Variants in PPP1R9A observed in about 807,000 individuals in gnomAD.
PPP1R9A encodes the protein neurabin-1.
PPP1R9A carries 59 observed loss-of-function variants against 141.9 expected under a neutral mutation model. The ratio of observed to expected loss-of-function variants is 0.42; its 90% CI spans 0.34 to 0.52. PPP1R9A has a LOEUF of 0.52. Among genes scored for constraint, PPP1R9A ranks in the 20% least tolerant of loss-of-function variants. The probability of loss-of-function intolerance (pLI) is 0.10; values close to 1 mark genes in which losing one functional copy is unlikely to be tolerated. For synonymous variants in PPP1R9A, 500 were observed against 569.7 expected (o/e 0.88, Z 1.74); for missense variants, 1,444 against 1,611.9 (o/e 0.90, Z 1.78).
intron 2 of PPP1R9A, among the ~76,000 whole-genome samples, chr7:95,029,934 G>T (rs1807423486): frequency 6.6e-6 from 1 of 152,172 alleles, no homozygotes; most frequent in Non-Finnish European, 1.5e-5. Flanking sequence ...GCGACAGCAG[G>T]CTTAACTTGA....
chr7:95,067,295 G>A (rs890945033), intron 2 of PPP1R9A, among the ~76,000 whole-genome samples: 1 of 152,154 alleles, frequency 6.6e-6, no homozygotes, highest in African/African-American at 2.4e-5. Context: ...TGACTGTGAA[G>A]TTTAGGCTAA....
chr7:95,168,555 A>T (rs1022082520), intron 5 of PPP1R9A, among the ~76,000 whole-genome samples: 1 of 152,048 alleles, frequency 6.6e-6, no homozygotes, highest in African/African-American at 2.4e-5. Flanking sequence ...GACTATATTA[A>T]TCTAAAAGAC....
chr7:95,140,927 C>T (rs73220020), intron 4 of PPP1R9A, among the ~76,000 whole-genome samples: 18,385 of 152,104 alleles, frequency 0.12, 1,234 homozygotes, highest in East Asian at 0.18. Flanking sequence ...GCCATGTTGC[C>T]CAGTCTGGTC....
intron 2 of PPP1R9A, among the ~76,000 whole-genome samples, chr7:95,066,703 A>G (rs747122254): frequency 5.3e-5 from 8 of 152,206 alleles, no homozygotes; most frequent in Non-Finnish European, 1.2e-4. Flanking sequence ...GAAAAATTAT[A>G]CAGTAGAAGA....
intron 4 of PPP1R9A, among the ~76,000 whole-genome samples, chr7:95,129,973 T>G (rs937022976): frequency 6.6e-6 from 1 of 152,182 alleles, no homozygotes; most frequent in African/African-American, 2.4e-5. Context: ...TTTGGAAAAC[T>G]TGCAGCCTGA....
At chr7:95,181,379 GAGAGAATAGAGAGAA>G (rs1164383187) in intron 5 of PPP1R9A, among the ~76,000 whole-genome samples, 2 of 137,204 alleles carry the variant, frequency 1.5e-5, no homozygotes, top group African/African-American at 5.4e-5. Context: ...GGAATATATA[GAGAGAATAGAGAGAA>G]TATATATATT....
chr7:95,231,672 AT>A (rs1329247191), intron 8 of PPP1R9A, among the ~76,000 whole-genome samples: 3 of 152,118 alleles, frequency 2.0e-5, no homozygotes, highest in Non-Finnish European at 4.4e-5. Flanking sequence ...CAAGATGGAA[AT>A]TTAAAAGTTA....
chr7:95,216,777 T>C (rs953304645), intron 7 of PPP1R9A, among the ~76,000 whole-genome samples: 1 of 152,202 alleles, frequency 6.6e-6, no homozygotes, highest in African/African-American at 2.4e-5. Flanking sequence ...TTGTCTGTTA[T>C]TGGTGTATAA....
intron 2 of PPP1R9A, among the ~76,000 whole-genome samples, chr7:94,975,784 G>C (rs1799383046): frequency 6.6e-6 from 1 of 152,128 alleles, no homozygotes. Flanking sequence ...TCTTTGCTTA[G>C]CTGGATTGGG....
At chr7:94,982,793 G>A (rs563608049) in intron 2 of PPP1R9A, among the ~76,000 whole-genome samples, 25 of 152,006 alleles carry the variant, frequency 1.6e-4, no homozygotes, top group South Asian at 6.2e-4. Context: ...CACTCTGATG[G>A]TAGTTTCTTT....
At chr7:95,269,588 C>T (rs1474211556) in intron 14 of PPP1R9A, 81 bp downstream of exon 14, 7 of 1,153,318 alleles carry the variant, frequency 6.1e-6, no homozygotes, top group Non-Finnish European at 8.3e-6. Flanking sequence ...AATCATAAGT[C>T]ATTTGTTTTC....
intron 4 of PPP1R9A, among the ~76,000 whole-genome samples, chr7:95,139,790 C>T (rs1048943096): frequency 9.0e-5 from 12 of 133,164 alleles, no homozygotes; most frequent in African/African-American, 3.1e-4. Flanking sequence ...GTTTCATGTA[C>T]ATTACATAAA....
chr7:95,075,252 A>G (rs1814663936), intron 2 of PPP1R9A, among the ~76,000 whole-genome samples: 1 of 152,144 alleles, frequency 6.6e-6, no homozygotes, highest in African/African-American at 2.4e-5. Flanking sequence ...ATCTTTGCCA[A>G]CACAGGATCA....
chr7:94,955,144 C>T (rs1054611336), intron 2 of PPP1R9A, among the ~76,000 whole-genome samples: 2 of 151,870 alleles, frequency 1.3e-5, no homozygotes, highest in Non-Finnish European at 2.9e-5. Flanking sequence ...GTATTAGTTT[C>T]CTTTTTCCTG....
chr7:95,247,551 A>C (rs1013667871), intron 9 of PPP1R9A, 25 bp downstream of exon 9: 4 of 1,575,350 alleles, frequency 2.5e-6, no homozygotes, highest in Non-Finnish European at 3.5e-6. Flanking sequence ...ATGGTGTTTG[A>C]ATTTTACTTT....
At chr7:94,978,480 T>C (rs895588621) in intron 2 of PPP1R9A, among the ~76,000 whole-genome samples, 5 of 152,236 alleles carry the variant, frequency 3.3e-5, no homozygotes, top group Non-Finnish European at 7.3e-5. Context: ...CTAGGCATGA[T>C]AGTATTTTTC....
intron 2 of PPP1R9A, among the ~76,000 whole-genome samples, chr7:94,974,081 T>C (rs889074609): frequency 2.0e-5 from 3 of 152,150 alleles, no homozygotes; most frequent in Admixed American, 2.0e-4. Flanking sequence ...TTTAGGATCC[T>C]GCACTCTGGC....
chr7:95,256,976 CTT>C (rs1379486902), intron 12 of PPP1R9A, among the ~76,000 whole-genome samples: 1 of 152,086 alleles, frequency 6.6e-6, no homozygotes, highest in Non-Finnish European at 1.5e-5. Flanking sequence ...TATAAAAATG[CTT>C]TTTATGCAAA....
At chr7:94,921,032 A>G (rs539905480) in intron 2 of PPP1R9A, among the ~76,000 whole-genome samples, 5 of 152,324 alleles carry the variant, frequency 3.3e-5, no homozygotes, top group South Asian at 4.1e-4. Context: ...AATCTTCAAT[A>G]TAACAATCTT....
Sources: gnomAD v4.1 joint callset for allele counts (sites outside exome capture counted in the v4.1 genomes callset) on GRCh38, gnomAD v4.1.1 for gene constraint, MANE v1.5 for transcripts, NCBI Gene and HGNC (gene_info 2026-07-23, HGNC 2026-07-21) for gene names.